Variants in ZCCHC7 observed in about 807,000 individuals in gnomAD.
The protein encoded by ZCCHC7 is zinc finger CCHC domain-containing protein 7.
A neutral mutation model predicts 52.0 loss-of-function variants in ZCCHC7; 35 were observed. That is an observed-to-expected ratio of 0.67 (90% CI 0.51 to 0.89). The LOEUF (loss-of-function observed/expected upper bound fraction) is 0.89, where lower values mean the gene tolerates loss of function less well. Ranked by LOEUF, ZCCHC7 falls within the 40% of genes least tolerant of loss-of-function variation. The probability of loss-of-function intolerance (pLI) is 0.00; values close to 1 mark genes in which losing one functional copy is unlikely to be tolerated. For synonymous variants in ZCCHC7, 217 were observed against 221.5 expected, an observed-to-expected ratio of 0.98 and a Z score of 0.18; for missense variants, 574 against 649.1, an observed-to-expected ratio of 0.88 and a Z score of 1.26.
chr9:37,145,236 T>G lies in ZCCHC7; in HGVS notation c.610+18294T>G, dbSNP rs79300729. Among the ~76,000 whole-genome samples, 538 of 152,088 alleles carry G rather than the reference T, an allele frequency of 3.5e-3. 11 individuals are homozygous for G. The East Asian group carries it at 0.067, about 19-fold the overall frequency. On this transcript the variant is annotated intron_variant, in intron 2 of 8. Transcript: ENST00000336755. Reference sequence around the variant, plus strand: ...TTTAATAGTCAACTTTTCAAATATGTAGACCTTGATTAAAAAAGGGACCAT... The same window carrying G: ...TTTAATAGTCAACTTTTCAAATATGGAGACCTTGATTAAAAAAGGGACCAT...
At chr9:37,136,351 A>G (rs1842996494) in intron 2 of ZCCHC7, among the ~76,000 whole-genome samples, 1 of 152,222 alleles carries the variant, frequency 6.6e-6, no homozygotes, top group Non-Finnish European at 1.5e-5. Context: ...GTTACACGAT[A>G]GGTTCATGAT....
At chr9:37,310,821 G>A (rs1021930859) in intron 5 of ZCCHC7, among the ~76,000 whole-genome samples, 5 of 151,946 alleles carry the variant, frequency 3.3e-5, no homozygotes, top group Non-Finnish European at 7.4e-5. Context: ...GCCAGGCAGG[G>A]TGGCACGCAC....
intron 2 of ZCCHC7, among the ~76,000 whole-genome samples, chr9:37,247,567 T>C (rs2133380095): frequency 6.6e-6 from 1 of 152,298 alleles, no homozygotes; most frequent in East Asian, 1.9e-4. Flanking sequence ...AGTATAGCAG[T>C]TAAGGACATT....
rs558038626 is a variant in ZCCHC7, at chr9:37,267,694, C to T, written c.611-34494C>T. Among the ~76,000 whole-genome samples, 14 of 151,674 alleles carry T rather than the reference C, an allele frequency of 9.2e-5. No individual in the cohort carries two copies. The East Asian group carries it at 1.2e-3, about 13-fold the overall frequency. ...ACGCCAGTCTCCTGCCTCAGCCTCCCGAGTAGCTGGGACTACAGGTGCCTG... is the reference window on the plus strand; with the variant it reads ...ACGCCAGTCTCCTGCCTCAGCCTCCTGAGTAGCTGGGACTACAGGTGCCTG... On this transcript the variant is annotated intron_variant, in intron 2 of 8. Coordinates refer to ENST00000336755, the MANE Select transcript of ZCCHC7 (RefSeq NM_032226.3).
intron 6 of ZCCHC7, among the ~76,000 whole-genome samples, chr9:37,340,808 T>A (rs1160061360): frequency 6.6e-6 from 1 of 152,298 alleles, no homozygotes; most frequent in Non-Finnish European, 1.5e-5. Flanking sequence ...TTAGGTAAGA[T>A]CTAGGCTGAT....
chr9:37,292,502 T>A (rs1323679781), intron 2 of ZCCHC7, among the ~76,000 whole-genome samples: 1 of 152,162 alleles, frequency 6.6e-6, no homozygotes, highest in Non-Finnish European at 1.5e-5. Context: ...TTATATAAAT[T>A]GAATATAAAT....
At chr9:37,165,745 G>T (rs925640006) in intron 2 of ZCCHC7, among the ~76,000 whole-genome samples, 47 of 152,246 alleles carry the variant, frequency 3.1e-4, no homozygotes, top group African/African-American at 1.1e-3. Flanking sequence ...CACTCTTTGA[G>T]GCTGAAGCAA....
At chr9:37,173,082 T>C (rs984764201) in intron 2 of ZCCHC7, among the ~76,000 whole-genome samples, 1 of 151,636 alleles carries the variant, frequency 6.6e-6, no homozygotes, top group Non-Finnish European at 1.5e-5. Context: ...AATAGGGACT[T>C]GAGTGAGCAA....
At chr9:37,292,057 G>A (rs551731777) in intron 2 of ZCCHC7, among the ~76,000 whole-genome samples, 1 of 152,318 alleles carries the variant, frequency 6.6e-6, no homozygotes, top group East Asian at 1.9e-4. Context: ...TTTTTAAACA[G>A]ATGTAATCTA....
chr9:37,268,832 A>ACT (rs1249127805), intron 2 of ZCCHC7, among the ~76,000 whole-genome samples: 1 of 151,986 alleles, frequency 6.6e-6, no homozygotes, highest in Non-Finnish European at 1.5e-5. Context: ...CACCTTCACT[A>ACT]CTCTATTCAT....
intron 2 of ZCCHC7, among the ~76,000 whole-genome samples, chr9:37,253,699 AT>A (rs1826439184): frequency 6.6e-6 from 1 of 152,026 alleles, no homozygotes; most frequent in Non-Finnish European, 1.5e-5. Flanking sequence ...TAACATGAAT[AT>A]GAGAGGGAAT....
At chr9:37,163,629 C>T (rs1821242073) in intron 2 of ZCCHC7, among the ~76,000 whole-genome samples, 1 of 152,110 alleles carries the variant, frequency 6.6e-6, no homozygotes, top group South Asian at 2.1e-4. Context: ...CCAGTCTTTG[C>T]TTTGGCTTTG....
At chr9:37,155,246 G>A (rs1489311872) in intron 2 of ZCCHC7, among the ~76,000 whole-genome samples, 1 of 151,864 alleles carries the variant, frequency 6.6e-6, no homozygotes, top group Non-Finnish European at 1.5e-5. Context: ...ACGTAGTCCC[G>A]GCTACTCGGG....
chr9:37,306,113 G>A (rs1829291145), intron 5 of ZCCHC7, among the ~76,000 whole-genome samples: 1 of 151,978 alleles, frequency 6.6e-6, no homozygotes, highest in Admixed American at 6.6e-5. Flanking sequence ...TGTCACCCAG[G>A]CTGGAGTGCG....
At chr9:37,130,661 T>G (rs1842744176) in intron 2 of ZCCHC7, among the ~76,000 whole-genome samples, 1 of 151,356 alleles carries the variant, frequency 6.6e-6, no homozygotes, top group Non-Finnish European at 1.5e-5. Flanking sequence ...CCTGGCTAAT[T>G]TTTTGTATTT....
At chr9:37,175,652 C>A (rs930053802) in intron 2 of ZCCHC7, among the ~76,000 whole-genome samples, 28 of 152,176 alleles carry the variant, frequency 1.8e-4, no homozygotes, top group African/African-American at 6.5e-4. Flanking sequence ...GCACGAGAAT[C>A]GATTAAACCC....
chr9:37,347,347 T>C (rs375074562), intron 6 of ZCCHC7, among the ~76,000 whole-genome samples: 12 of 152,308 alleles, frequency 7.9e-5, no homozygotes, highest in African/African-American at 2.9e-4. Context: ...AACTTCTCTC[T>C]CCTACAACTT....
chr9:37,167,790 C>G (rs1049970100), intron 2 of ZCCHC7, among the ~76,000 whole-genome samples: 1 of 152,134 alleles, frequency 6.6e-6, no homozygotes, highest in South Asian at 2.1e-4. Flanking sequence ...ACTACACAAC[C>G]CTTCTTACTG....
intron 5 of ZCCHC7, among the ~76,000 whole-genome samples, chr9:37,315,371 A>G (rs924187155): frequency 3.3e-5 from 5 of 152,054 alleles, no homozygotes; most frequent in Admixed American, 1.3e-4. Context: ...GCAGGATTTC[A>G]GTTTAATAGT....
Sources: gnomAD v4.1 joint callset for allele counts (sites outside exome capture counted in the v4.1 genomes callset) on GRCh38, gnomAD v4.1.1 for gene constraint, MANE v1.5 for transcripts, NCBI Gene and HGNC (gene_info 2026-07-23, HGNC 2026-07-21) for gene names.